Variants in DPP10 observed in about 807,000 individuals in gnomAD.
DPP10 encodes inactive dipeptidyl peptidase 10.
Under a neutral mutation model 120.9 loss-of-function variants are expected in DPP10, and 33 were observed. The observed-to-expected ratio is 0.27, with a 90% CI of 0.21 to 0.37. The LOEUF is 0.37. Among genes scored for constraint, DPP10 ranks in the 10% least tolerant of loss-of-function variants. The probability of loss-of-function intolerance (pLI) is 1.00; values close to 1 mark genes in which losing one functional copy is unlikely to be tolerated. For missense variants in DPP10, 816 were observed against 942.8 expected, an observed-to-expected ratio of 0.87 and a Z score of 1.76; for synonymous variants, 337 against 326.1, an observed-to-expected ratio of 1.03 and a Z score of -0.36.
At chr2:114,603,744 G>C (rs1249369444) in intron 1 of DPP10, among the ~76,000 whole-genome samples, 16 of 151,958 alleles carry the variant, frequency 1.1e-4, no homozygotes, top group Non-Finnish European at 2.1e-4. Context: ...ACTTATGATA[G>C]CTTTGTGTAA....
At chr2:114,688,003 T>C (rs1209846390) in intron 1 of DPP10, among the ~76,000 whole-genome samples, 4 of 152,020 alleles carry the variant, frequency 2.6e-5, no homozygotes, top group African/African-American at 9.7e-5. Context: ...TCTCCACTTA[T>C]AGATGATAAA....
chr2:115,462,493 A>ACCTCCATGGTATGACATGGAGGACAAGGT (rs2074048827), intron 3 of DPP10, among the ~76,000 whole-genome samples: 7 of 151,980 alleles, frequency 4.6e-5, no homozygotes, highest in East Asian at 1.9e-4. Flanking sequence ...GGTATGACAC[A>ACCTCCATGGTATGACATGGAGGACAAGGT]CCTCCATGGT....
At chr2:115,140,106 T>C (rs998654534) in intron 1 of DPP10, among the ~76,000 whole-genome samples, 10 of 152,066 alleles carry the variant, frequency 6.6e-5, no homozygotes, top group Admixed American at 6.6e-4. Context: ...AACAAATAAA[T>C]AAACATGTTC....
At chr2:114,519,026 AAG>A (rs1684835760) in intron 1 of DPP10, among the ~76,000 whole-genome samples, 3 of 152,234 alleles carry the variant, frequency 2.0e-5, no homozygotes, top group Admixed American at 2.0e-4. Flanking sequence ...TTGCCTGTGA[AAG>A]AGATCGAAGG....
At chr2:115,443,288 C>A (rs1446241069) in intron 3 of DPP10, among the ~76,000 whole-genome samples, 2 of 152,166 alleles carry the variant, frequency 1.3e-5, no homozygotes, top group Non-Finnish European at 2.9e-5. Context: ...AATACCCTCT[C>A]CAGACTTTTT....
intron 1 of DPP10, among the ~76,000 whole-genome samples, chr2:114,714,890 A>C (rs1701255488): frequency 6.6e-6 from 1 of 152,208 alleles, no homozygotes; most frequent in Admixed American, 6.5e-5. Flanking sequence ...AGAAAGAAAC[A>C]AAAGAACAGC....
intron 7 of DPP10, among the ~76,000 whole-genome samples, chr2:115,693,211 T>C (rs1310291664): frequency 6.6e-6 from 1 of 152,214 alleles, no homozygotes; most frequent in African/African-American, 2.4e-5. Flanking sequence ...TATCCCACTA[T>C]GATATTTCTG....
chr2:114,940,564 A>C (rs1696820367), intron 1 of DPP10, among the ~76,000 whole-genome samples: 1 of 152,104 alleles, frequency 6.6e-6, no homozygotes, highest in African/African-American at 2.4e-5. Flanking sequence ...AGCAAAAAAA[A>C]AAAAAAAATG....
At chr2:114,958,691 G>T (rs767633697) in intron 1 of DPP10, among the ~76,000 whole-genome samples, 4 of 151,966 alleles carry the variant, frequency 2.6e-5, no homozygotes, top group Non-Finnish European at 4.4e-5. Flanking sequence ...TGTTTTGATG[G>T]TATATTATTG....
chr2:115,143,815 T>C (rs2051061711), intron 1 of DPP10, among the ~76,000 whole-genome samples: 1 of 152,218 alleles, frequency 6.6e-6, no homozygotes, highest in East Asian at 1.9e-4. Context: ...CATTTCATTC[T>C]GTTCATATCC....
Position 115,440,577 on chromosome 2 carries a change from C to G in DPP10, c.272-58933C>G, listed in dbSNP as rs192009654. The stretch of plus-strand genomic sequence containing the variant: ...GGCGGCCAAAGAGACGGCTAACGCT[C>G]AAAATTCTCTCGGCCCCGAGGAAGG... On this transcript the variant is annotated intron_variant, in intron 3 of 25. Coordinates refer to ENST00000410059, the MANE Select transcript of DPP10 (RefSeq NM_020868.6). Among the ~76,000 whole-genome samples the G allele has an allele frequency of 8.2e-3, 1,127 of 137,118 alleles. 6 individuals carry two copies. Among genetic ancestry groups the G allele is most frequent in the African/African-American group, 0.026 (1,031 of 38,954 alleles). The allele number at this position is 137,118 out of a possible 152,430, so 90.0% of individuals were successfully genotyped here.
chr2:115,814,788 T>C lies in DPP10; in HGVS notation c.1701-5T>C. On this transcript the variant is annotated splice_polypyrimidine_tract_variant and splice_region_variant and intron_variant, in intron 19 of 25. Coordinates refer to ENST00000410059, the MANE Select transcript of DPP10 (RefSeq NM_020868.6). Reference sequence around the variant, plus strand: ...TGTTTTGGTCCAATATGTTGGTATTTGCAGGGATGAAGAACCAGGAGGCCA... The same window carrying C: ...TGTTTTGGTCCAATATGTTGGTATTCGCAGGGATGAAGAACCAGGAGGCCA... 1 of 1,535,180 alleles carries C rather than the reference T, an allele frequency of 6.5e-7. No homozygotes were observed. The highest frequency in any genetic ancestry group is 8.9e-7 in the Non-Finnish European group (1 of 1,126,216).
At chr2:115,620,278 G>C (rs1271187774) in intron 5 of DPP10, among the ~76,000 whole-genome samples, 1 of 152,154 alleles carries the variant, frequency 6.6e-6, no homozygotes, top group Non-Finnish European at 1.5e-5. Flanking sequence ...TCAAAAGAAT[G>C]ATCTGTTATG....
intron 1 of DPP10, among the ~76,000 whole-genome samples, chr2:115,196,791 G>A (rs1159886180): frequency 6.6e-6 from 1 of 152,162 alleles, no homozygotes; most frequent in Non-Finnish European, 1.5e-5. Context: ...CAGAACATAT[G>A]GATGTGTGGG....
At chr2:114,580,824 A>C (rs1283708443) in intron 1 of DPP10, among the ~76,000 whole-genome samples, 2 of 150,010 alleles carry the variant, frequency 1.3e-5, no homozygotes, top group Admixed American at 1.3e-4. Context: ...AAAGGCAAAC[A>C]CTCTTTGTCA....
intron 1 of DPP10, among the ~76,000 whole-genome samples, chr2:115,287,288 T>C (rs903640380): frequency 3.9e-5 from 6 of 152,136 alleles, no homozygotes; most frequent in African/African-American, 1.4e-4. Flanking sequence ...ATTTTATTTT[T>C]AATTAATTTT....
chr2:114,776,482 AT>A (rs1681754372), intron 1 of DPP10, among the ~76,000 whole-genome samples: 2 of 152,166 alleles, frequency 1.3e-5, no homozygotes, highest in South Asian at 4.1e-4. Flanking sequence ...ACTGAATGCA[AT>A]CTCCGTTATC....
chr2:115,419,010 G>C (rs2069693127), intron 3 of DPP10, among the ~76,000 whole-genome samples: 1 of 151,922 alleles, frequency 6.6e-6, no homozygotes, highest in Non-Finnish European at 1.5e-5. Context: ...CAATATGAAG[G>C]GTAATTTGTT....
intron 2 of DPP10, among the ~76,000 whole-genome samples, chr2:115,318,471 A>T (rs191272324): frequency 2.0e-4 from 31 of 152,180 alleles, no homozygotes; most frequent in Admixed American, 3.9e-4. Flanking sequence ...GCCAGTTGGG[A>T]TTTTAATAGT....
Sources: gnomAD v4.1 joint callset for allele counts (sites outside exome capture counted in the v4.1 genomes callset) on GRCh38, gnomAD v4.1.1 for gene constraint, MANE v1.5 for transcripts, NCBI Gene and HGNC (gene_info 2026-07-23, HGNC 2026-07-21) for gene names.